Variants in ADK observed in about 807,000 individuals in gnomAD.
The protein encoded by ADK is N6,N6-dimethyladenosine kinase.
In ADK, 24 loss-of-function variants were observed where a neutral mutation model predicts 44.7. The observed-to-expected ratio is 0.54, with a 90% CI of 0.39 to 0.76. The LOEUF (loss-of-function observed/expected upper bound fraction) is 0.76, where lower values mean the gene tolerates loss of function less well. ADK is among the 30% of genes least tolerant of loss of function. The probability of loss-of-function intolerance (pLI) is 0.00; values close to 1 mark genes in which losing one functional copy is unlikely to be tolerated. For synonymous variants in ADK, 128 were observed against 142.6 expected (o/e 0.90, Z 0.73); for missense variants, 321 against 425.1 (o/e 0.76, Z 2.15).
intron 3 of ADK, among the ~76,000 whole-genome samples, chr10:74,253,622 A>G (rs946259370): frequency 2.6e-5 from 4 of 152,140 alleles, no homozygotes; most frequent in Non-Finnish European, 5.9e-5. Context: ...GTTTAGAGTG[A>G]GAAACTAGTC....
At chr10:74,324,034 A>G (rs529569881) in intron 4 of ADK, among the ~76,000 whole-genome samples, 5 of 149,892 alleles carry the variant, frequency 3.3e-5, no homozygotes, top group South Asian at 4.3e-4. Flanking sequence ...AATTATTTTT[A>G]TTTTTGGAGA....
intron 6 of ADK, among the ~76,000 whole-genome samples, chr10:74,453,621 T>G (rs1845847933): frequency 6.6e-6 from 1 of 152,116 alleles, no homozygotes; most frequent in Non-Finnish European, 1.5e-5. Context: ...CTTCATCATT[T>G]TATGATTATT....
Position 74,652,537 on chromosome 10 carries a change from G to C in ADK, c.878-17646G>C, listed in dbSNP as rs1854311345. On this transcript the variant is annotated intron_variant, in intron 9 of 10. Transcript: ENST00000539909. ...GCATTTTGGGAGGCCAAGGTGGGCA[G>C]ATCACTTGAGGTCTGGAGTTCAAGA... is the stretch of plus-strand genomic sequence containing the variant. Among the ~76,000 whole-genome samples the C allele has an allele frequency of 1.3e-5, 2 of 151,656 alleles. 1 individual carries two copies. The highest frequency in any genetic ancestry group is 4.2e-4 in the South Asian group (2 of 4,754).
chr10:74,626,591 C>A (rs1853214785), intron 9 of ADK, among the ~76,000 whole-genome samples: 1 of 152,168 alleles, frequency 6.6e-6, no homozygotes. Context: ...GCATGAGCCA[C>A]TGCGCCTGGC....
chr10:74,177,781 G>T (rs1591811347), intron 1 of ADK, among the ~76,000 whole-genome samples: 1 of 151,956 alleles, frequency 6.6e-6, no homozygotes, highest in South Asian at 2.1e-4. Flanking sequence ...GAGCTTTCCA[G>T]GCTCCACCCG....
chr10:74,284,374 C>T (rs1041664954), intron 3 of ADK, among the ~76,000 whole-genome samples: 3 of 151,734 alleles, frequency 2.0e-5, no homozygotes, highest in Admixed American at 2.0e-4. Flanking sequence ...AAGTGAGTCT[C>T]CTGCCTCAGC....
At chr10:74,696,240 C>T (rs1297905065) in intron 10 of ADK, among the ~76,000 whole-genome samples, 1 of 151,680 alleles carries the variant, frequency 6.6e-6, no homozygotes, top group African/African-American at 2.4e-5. Flanking sequence ...AGGCTGGTCT[C>T]GAACTCCTGA....
chr10:74,230,476 T>G (rs76824660), intron 3 of ADK, among the ~76,000 whole-genome samples: 4 of 96,190 alleles, frequency 4.2e-5, no homozygotes, highest in African/African-American at 2.1e-4. Context: ...GTATATAGTC[T>G]TTTTTTTTTT....
chr10:74,313,759 T>C (rs1406624588), intron 3 of ADK, among the ~76,000 whole-genome samples: 2 of 151,946 alleles, frequency 1.3e-5, no homozygotes, highest in Non-Finnish European at 2.9e-5. Context: ...ATTTTCCCTT[T>C]CTGTATTTCC....
chr10:74,282,490 C>T (rs10824139), intron 3 of ADK, among the ~76,000 whole-genome samples: 23,989 of 152,098 alleles, frequency 0.16, 1,943 homozygotes, highest in Middle Eastern at 0.22. Flanking sequence ...TAAAATATTA[C>T]GAATAGCCAT....
intron 10 of ADK, among the ~76,000 whole-genome samples, chr10:74,684,161 C>T (rs540515755): frequency 1.3e-5 from 2 of 152,164 alleles, no homozygotes; most frequent in South Asian, 4.1e-4. Flanking sequence ...GAAGTTTAGC[C>T]CCTAAAATCA....
intron 8 of ADK, among the ~76,000 whole-genome samples, 175 bp downstream of exon 8, chr10:74,589,492 C>T (rs575230744): frequency 1.3e-5 from 2 of 152,236 alleles, no homozygotes; most frequent in South Asian, 4.2e-4. Flanking sequence ...AGTGTTATGA[C>T]GCACTCTGCT....
At chr10:74,488,311 A>T (rs1285523374) in intron 6 of ADK, among the ~76,000 whole-genome samples, 2 of 151,594 alleles carry the variant, frequency 1.3e-5, no homozygotes, top group African/African-American at 4.8e-5. Context: ...CTTGGTCAGT[A>T]TGTATCATAA....
intron 3 of ADK, among the ~76,000 whole-genome samples, chr10:74,233,862 G>A (rs148519802): frequency 4.3e-4 from 66 of 152,242 alleles, no homozygotes; most frequent in African/African-American, 1.6e-3. Flanking sequence ...TCAATTTTTA[G>A]GGGGAAGGAT....
At chr10:74,193,779 A>G (rs1843033121) in intron 1 of ADK, among the ~76,000 whole-genome samples, 1 of 152,226 alleles carries the variant, frequency 6.6e-6, no homozygotes, top group Non-Finnish European at 1.5e-5. Context: ...AAAAAAAGAA[A>G]GAAACAAAAG....
chr10:74,609,358 C>T (rs1852458113), intron 9 of ADK, among the ~76,000 whole-genome samples: 1 of 152,142 alleles, frequency 6.6e-6, no homozygotes, highest in Non-Finnish European at 1.5e-5. Flanking sequence ...AACCCAGGGC[C>T]CTGGTGGTGT....
chr10:74,158,772 A>AT (rs1245148958), intron 1 of ADK, among the ~76,000 whole-genome samples: 1 of 152,184 alleles, frequency 6.6e-6, no homozygotes, highest in Non-Finnish European at 1.5e-5. Flanking sequence ...TAGTTCCTAG[A>AT]TTTTTTTCTC....
At chr10:74,589,430 C>G in intron 8 of ADK, 113 bp downstream of exon 8, 1 of 1,124,688 alleles carries the variant, frequency 8.9e-7, no homozygotes, top group Non-Finnish European at 1.3e-6. Flanking sequence ...AGCCTCGCAG[C>G]AGTTGCCATG....
intron 7 of ADK, among the ~76,000 whole-genome samples, chr10:74,549,290 A>G (rs1849946965): frequency 6.6e-6 from 1 of 152,192 alleles, no homozygotes; most frequent in South Asian, 2.1e-4. Context: ...TTAGGGATAG[A>G]TCCAATCTTT....
Sources: allele counts gnomAD v4.1 joint callset (sites outside exome capture counted in the v4.1 genomes callset), GRCh38; gene constraint gnomAD v4.1.1; transcripts MANE v1.5; gene names NCBI Gene and HGNC (gene_info 2026-07-23, HGNC 2026-07-21).